CCR10: variants seen among roughly 807,000 people sequenced by gnomAD.
CCR10 encodes the protein C-C chemokine receptor type 10.
Under a neutral mutation model 11.9 loss-of-function variants are expected in CCR10, and 11 were observed. That is an observed-to-expected ratio of 0.92 (90% CI 0.58 to 1.53). The LOEUF (loss-of-function observed/expected upper bound fraction) is 1.53. CCR10 is among the 40% of genes most tolerant of loss of function. CCR10 has a pLI of 0.00. For missense variants in CCR10, 428 were observed against 496.6 expected (o/e 0.86, Z 1.31); for synonymous variants, 224 against 245.4 (o/e 0.91, Z 0.81).
chr17:42,681,512 C>G, intron 1 of CCR10: 1 of 541,400 alleles, frequency 1.8e-6, no homozygotes, highest in Non-Finnish European at 3.3e-6. Flanking sequence ...CACTGAACCA[C>G]TCATGCCAAG....
At chr17:42,681,754 C>T in intron 1 of CCR10, 46 bp downstream of exon 1, 1 of 1,369,290 alleles carries the variant, frequency 7.3e-7, no homozygotes, top group Non-Finnish European at 1.0e-6. Flanking sequence ...TTCCCTGTCT[C>T]CTCCCTCTCT....
rs1244155028 is a variant in CCR10, at chr17:42,680,179, G to C, written c.463C>G (p.Pro155Ala). 2 of 1,610,764 alleles carry C rather than the reference G, an allele frequency of 1.2e-6. No homozygotes were observed. Among genetic ancestry groups the C allele is most frequent in the East Asian group, 2.2e-5 (1 of 44,766 alleles). Reference sequence around the variant, plus strand: ...ACGGAGACCAAGTGTGCGCGGCCGGGAGTGGAGGGCCGCGGCCCGGCTGGG... The same window carrying C: ...ACGGAGACCAAGTGTGCGCGGCCGGCAGTGGAGGGCCGCGGCCCGGCTGGG... ...ALPAGPRPSTPGRAHLVSVIV... is the reference protein window; with the variant it reads ...ALPAGPRPSTAGRAHLVSVIV... The change falls in exon 2 of 2, where the codon CCC (proline) becomes GCC (alanine). Residue 155 changes from proline (P) to alanine (A), a missense_variant. Pro to Ala is a conservative substitution (Grantham distance 27, BLOSUM62 -1). Coordinates refer to ENST00000332438, the MANE Select transcript of CCR10 (RefSeq NM_016602.3).
chr17:42,680,037 G>T lies in CCR10; in HGVS notation c.605C>A (p.Thr202Lys). The T allele has an allele frequency of 6.3e-7, 1 of 1,592,798 alleles. No individual in the cohort carries two copies. Among genetic ancestry groups the T allele is most frequent in the Non-Finnish European group, 8.5e-7 (1 of 1,173,914 alleles). ...CGCCACGGCGCTCGCCCCCTTCACC[G>T]TCTGCGTGAGGCCCTCGGGGAAGAT... ...RLIFPEGLTQ[T>K]VKGASAVAQV... Residue 202 changes from threonine (T) to lysine (K), a missense_variant, in exon 2 of 2, where the codon ACG (threonine) becomes AAG (lysine). By Grantham distance (78) the Thr-to-Lys change is moderately conservative. Coordinates refer to ENST00000332438, the MANE Select transcript of CCR10 (RefSeq NM_016602.3).
Position 42,680,217 on chromosome 17 carries a change from A to G in CCR10, c.425T>C (p.Ile142Thr). ...ACISADRYVA[I>T]ARALPAGPRP... ...CGGCCCGGCTGGGAGCGCTCGCGCG[A>G]TGGCCACGTAGCGGTCGGCGCTGAT... Residue 142 changes from isoleucine (I) to threonine (T), a missense_variant, in exon 2 of 2, where the codon ATC (isoleucine) becomes ACC (threonine). By Grantham distance (89) the Ile-to-Thr change is moderately conservative. Coordinates refer to ENST00000332438, the MANE Select transcript of CCR10 (RefSeq NM_016602.3). The G allele has an allele frequency of 6.3e-7, 1 of 1,599,830 alleles. No homozygotes were observed. Among genetic ancestry groups the G allele is most frequent in the Non-Finnish European group, 8.5e-7 (1 of 1,173,920 alleles).
chr17:42,679,737 C>T lies in CCR10; in HGVS notation c.905G>A (p.Arg302His). 1 of 1,586,460 alleles carries T rather than the reference C, an allele frequency of 6.3e-7. No homozygotes were observed. The highest frequency in any genetic ancestry group is 8.6e-7 in the Non-Finnish European group (1 of 1,167,730). The change falls in exon 2 of 2, where the codon CGC (arginine) becomes CAC (histidine). Residue 302 changes from arginine to histidine, a missense_variant. By Grantham distance (29) the Arg-to-His change is conservative. Transcript: ENST00000332438. ...GTAGAGAACGGGATTGAGGCCACAG[C>T]GGGCGAGGGCCAAGCCGCTGGTCAC... ...LLVTSGLALA[R>H]CGLNPVLYAF...
chr17:42,679,717 G>A lies in CCR10; in HGVS notation c.925C>T (p.Leu309Phe). 1 of 1,568,212 alleles carries A rather than the reference G, an allele frequency of 6.4e-7. No individual in the cohort carries two copies. Among genetic ancestry groups the A allele is most frequent in the Non-Finnish European group, 8.6e-7 (1 of 1,158,520 alleles). ...AAGCGCAGGCCCAGGAAGGCGTAGAGAACGGGATTGAGGCCACAGCGGGCG... is the reference window on the plus strand; with the variant it reads ...AAGCGCAGGCCCAGGAAGGCGTAGAAAACGGGATTGAGGCCACAGCGGGCG... ...ALARCGLNPVLYAFLGLRFRQ... is the reference protein window; with the variant it reads ...ALARCGLNPVFYAFLGLRFRQ... Residue 309 changes from leucine to phenylalanine, a missense_variant, in exon 2 of 2, where the codon CTC (leucine) becomes TTC (phenylalanine). Leu to Phe is a conservative substitution (Grantham distance 22, BLOSUM62 0). Transcript: ENST00000332438.
chr17:42,679,618 G>A lies in CCR10; in HGVS notation c.1024C>T (p.Arg342Cys), dbSNP rs368419542. Residue 342 changes from arginine to cysteine, a missense_variant, in exon 2 of 2, where the codon CGC (arginine) becomes TGC (cysteine). Transcript: ENST00000332438. ...SGPQPRRGCPRRPRLSSCSAP... is the reference protein window; with the variant it reads ...SGPQPRRGCPCRPRLSSCSAP... ...GAGCAGGAAGAAAGGCGGGGCCGGC[G>A]GGGGCAGCCGCGGCGGGGTTGAGGC... 6.8e-7 allele frequency: 1 copy of A among 1,481,382 alleles called. No homozygotes were observed. Among genetic ancestry groups the A allele is most frequent in the Non-Finnish European group, 8.9e-7 (1 of 1,120,892 alleles). The allele number at this position is 1,481,382 out of a possible 1,614,324, so 91.8% of individuals were successfully genotyped here.
intron 1 of CCR10, chr17:42,681,435 T>A: frequency 3.0e-6 from 1 of 338,634 alleles, no homozygotes; most frequent in Non-Finnish European, 5.5e-6. Context: ...AACCTCCGTC[T>A]GGAGTGGGTT....
rs778046240 is a variant in CCR10 at position 42,679,643 on chromosome 17, C to T, written c.999G>A (p.Gly333=). 20 of 1,492,004 alleles carry T rather than the reference C, an allele frequency of 1.3e-5. No individual in the cohort carries two copies. Among genetic ancestry groups the T allele is most frequent in the Non-Finnish European group, 1.7e-5 (19 of 1,126,238 alleles). The allele number at this position is 1,492,004 out of a possible 1,614,324, so 92.4% of individuals were successfully genotyped here. ...GGGGGCAGCCGCGGCGGGGTTGAGG[C>T]CCTGAGGGGCAGCTCCCACCCCGTA... ...RLLRGGSCPS[G]PQPRRGCPRR... Residue 333 remains glycine (G), a synonymous_variant, in exon 2 of 2, where the codon GGG becomes GGA. Transcript: ENST00000332438.
rs1023563657 is a variant in CCR10, at chr17:42,679,703, C to G, written c.939G>C (p.Leu313=). 1.3e-6 allele frequency: 2 copies of G among 1,544,428 alleles called. No individual in the cohort carries two copies. Among genetic ancestry groups the G allele is most frequent in the African/African-American group, 2.8e-5 (2 of 70,670 alleles). The change falls in exon 2 of 2, where the codon CTG becomes CTC. Residue 313 remains leucine (L), a synonymous_variant. Transcript: ENST00000332438. ...CGLNPVLYAF[L]GLRFRQDLRR... ...GCAGGTCCTGGCGGAAGCGCAGGCC[C>G]AGGAAGGCGTAGAGAACGGGATTGA... is the stretch of plus-strand genomic sequence containing the variant.
chr17:42,679,962 T>A lies in CCR10; in HGVS notation c.680A>T (p.Tyr227Phe). Residue 227 changes from tyrosine to phenylalanine, a missense_variant, in exon 2 of 2, where the codon TAC becomes TTC. Tyr to Phe is a conservative substitution (Grantham distance 22, BLOSUM62 3). Coordinates refer to ENST00000332438, the MANE Select transcript of CCR10 (RefSeq NM_016602.3). ...CAGCAGCGTGCGGCCCAGAAGCGCG[T>A]AGCAGGCTACCATGACGCCCAGCGG... ...ALPLGVMVAC[Y>F]ALLGRTLLAA... is the part of the protein sequence containing the mutation. 1 of 1,563,420 alleles carries A rather than the reference T, an allele frequency of 6.4e-7. No individual in the cohort carries two copies. Among genetic ancestry groups the A allele is most frequent in the South Asian group, 1.2e-5 (1 of 86,818 alleles).
chr17:42,680,915 C>T lies in CCR10; in HGVS notation c.25-298G>A, dbSNP rs1446240319. Among the ~76,000 whole-genome samples, 3 of 152,282 alleles carry T rather than the reference C, an allele frequency of 2.0e-5. No individual in the cohort carries two copies. In the South Asian group the frequency reaches 6.2e-4, roughly 32 times the overall value. On this transcript the variant is annotated intron_variant, in intron 1 of 1. Coordinates refer to ENST00000332438, the MANE Select transcript of CCR10 (RefSeq NM_016602.3). ...AGATTATAAATCCTGACCAGCCCACCTCTCAAGGTTTGCTGTGAAGATGGC... is the reference window on the plus strand; with the variant it reads ...AGATTATAAATCCTGACCAGCCCACTTCTCAAGGTTTGCTGTGAAGATGGC...
rs1344238962 is a variant in CCR10, at chr17:42,679,871, C to A, written c.771G>T (p.Val257=). ...RVVVALVAAF[V]VLQLPYSLAL... Reference sequence around the variant, plus strand: ...CGAGGCTGTAGGGCAGCTGCAGCACCACGAAGGCCGCCACCAGAGCCACCA... The same window carrying A: ...CGAGGCTGTAGGGCAGCTGCAGCACAACGAAGGCCGCCACCAGAGCCACCA... The change falls in exon 2 of 2, where the codon GTG becomes GTT. Residue 257 remains valine, a synonymous_variant. Transcript: ENST00000332438. The A allele has an allele frequency of 2.2e-5, 35 of 1,594,970 alleles. No homozygotes were observed. The highest frequency in any genetic ancestry group is 2.9e-5 in the Non-Finnish European group (34 of 1,174,768).
intron 1 of CCR10, among the ~76,000 whole-genome samples, chr17:42,681,018 T>A (rs1002695110): frequency 4.0e-5 from 6 of 150,734 alleles, no homozygotes; most frequent in Admixed American, 1.3e-4. Flanking sequence ...TATTATTATT[T>A]ATTATTATTA....
At position 42,679,836 on chromosome 17, in the gene CCR10, A is replaced by G; in HGVS notation, c.806T>C (p.Leu269Pro). The G allele has an allele frequency of 6.2e-7, 1 of 1,607,320 alleles. No individual in the cohort carries two copies. Among genetic ancestry groups the G allele is most frequent in the Non-Finnish European group, 8.5e-7 (1 of 1,178,268 alleles). The change falls in exon 2 of 2, where the codon CTG becomes CCG. Residue 269 changes from leucine to proline, a missense_variant. Leu to Pro is a moderately conservative substitution (Grantham distance 98). Transcript: ENST00000332438. ...LQLPYSLALL[L>P]DTADLLAARE... ...CGCAGCCAGTAGATCGGCAGTATCC[A>G]GCAGCAGGGCGAGGCTGTAGGGCAG...
Position 42,679,704 on chromosome 17 carries a change from A to T in CCR10, c.938T>A (p.Leu313Gln). 1 of 1,544,606 alleles carries T rather than the reference A, an allele frequency of 6.5e-7. No homozygotes were observed. ...CAGGTCCTGGCGGAAGCGCAGGCCC[A>T]GGAAGGCGTAGAGAACGGGATTGAG... ...CGLNPVLYAF[L>Q]GLRFRQDLRR... is the part of the protein sequence containing the mutation. Residue 313 changes from leucine to glutamine, a missense_variant, in exon 2 of 2, where the codon CTG becomes CAG. Transcript: ENST00000332438.
chr17:42,681,323 T>C (rs1288657567), intron 1 of CCR10: 1 of 166,652 alleles, frequency 6.0e-6, no homozygotes, highest in African/African-American at 2.4e-5. Flanking sequence ...GCCCAAAGTT[T>C]GTATTATTAA....
chr17:42,679,695 C>T lies in CCR10; in HGVS notation c.947G>A (p.Arg316His), dbSNP rs1007139911. Residue 316 changes from arginine (R) to histidine (H), a missense_variant, in exon 2 of 2, where the codon CGC becomes CAC. Coordinates refer to ENST00000332438, the MANE Select transcript of CCR10 (RefSeq NM_016602.3). ...NPVLYAFLGLRFRQDLRRLLR... is the reference protein window; with the variant it reads ...NPVLYAFLGLHFRQDLRRLLR... ...CAGCCTCCGCAGGTCCTGGCGGAAG[C>T]GCAGGCCCAGGAAGGCGTAGAGAAC... The T allele has an allele frequency of 2.0e-6, 3 of 1,534,230 alleles. No homozygotes were observed. The highest frequency in any genetic ancestry group is 2.6e-6 in the Non-Finnish European group (3 of 1,141,370).
Position 42,680,171 on chromosome 17 carries a change from G to A in CCR10, c.471C>T (p.Arg157=). 6.2e-7 allele frequency: 1 copy of A among 1,611,612 alleles called. No homozygotes were observed. Among genetic ancestry groups the A allele is most frequent in the South Asian group, 1.1e-5 (1 of 90,924 alleles). The change falls in exon 2 of 2, where the codon CGC becomes CGT. Residue 157 remains arginine, a synonymous_variant. Coordinates refer to ENST00000332438, the MANE Select transcript of CCR10 (RefSeq NM_016602.3). Reference sequence around the variant, plus strand: ...ACACGATGACGGAGACCAAGTGTGCGCGGCCGGGAGTGGAGGGCCGCGGCC... The same window carrying A: ...ACACGATGACGGAGACCAAGTGTGCACGGCCGGGAGTGGAGGGCCGCGGCC... ...PAGPRPSTPG[R]AHLVSVIVWL...
Sources: gnomAD v4.1 joint callset for allele counts (sites outside exome capture counted in the v4.1 genomes callset) on GRCh38, gnomAD v4.1.1 for gene constraint, MANE v1.5 for transcripts, NCBI Gene and HGNC (gene_info 2026-07-23, HGNC 2026-07-21) for gene names.